Variants in NTRK2 observed in about 807,000 individuals in gnomAD.
The protein encoded by NTRK2 is neurotrophic receptor tyrosine kinase 2.
In NTRK2, 13 loss-of-function variants were observed where a neutral mutation model predicts 94.5. The ratio of observed to expected loss-of-function variants is 0.14; its 90% CI spans 0.09 to 0.22. The LOEUF (loss-of-function observed/expected upper bound fraction) is 0.22. Ranked by LOEUF, NTRK2 falls within the 10% of genes least tolerant of loss-of-function variation. The pLI, the probability that NTRK2 is intolerant of heterozygous loss-of-function variation, is 1.00. For missense variants in NTRK2, 639 were observed against 1,071.2 expected, an observed-to-expected ratio of 0.60 and a Z score of 5.63; for synonymous variants, 372 against 407.4, an observed-to-expected ratio of 0.91 and a Z score of 1.05.
At chr9:84,712,478 T>C (rs1042985584) in intron 6 of NTRK2, among the ~76,000 whole-genome samples, 5 of 152,218 alleles carry the variant, frequency 3.3e-5, no homozygotes, top group South Asian at 2.1e-4. Flanking sequence ...ATGGGCTCAA[T>C]TGATCGATTA....
At chr9:84,788,169 C>T (rs1173982504) in intron 12 of NTRK2, among the ~76,000 whole-genome samples, 2 of 151,950 alleles carry the variant, frequency 1.3e-5, no homozygotes, top group South Asian at 2.1e-4. Context: ...TATGTTATTA[C>T]GTTGTAATTA....
intron 15 of NTRK2, among the ~76,000 whole-genome samples, chr9:84,939,264 T>C (rs750359558): frequency 9.2e-5 from 14 of 152,142 alleles, no homozygotes; most frequent in Admixed American, 3.9e-4. Context: ...AGAGCTAATA[T>C]TGATATTCTT....
intron 14 of NTRK2, among the ~76,000 whole-genome samples, chr9:84,871,399 G>A (rs1213926182): frequency 2.0e-5 from 3 of 152,212 alleles, no homozygotes; most frequent in East Asian, 3.8e-4. Flanking sequence ...ATATCAGTGT[G>A]AGTCAGGTTT....
At chr9:84,851,025 C>T (rs1359517310) in intron 12 of NTRK2, among the ~76,000 whole-genome samples, 2 of 152,170 alleles carry the variant, frequency 1.3e-5, no homozygotes, top group African/African-American at 4.8e-5. Context: ...TTCGCAATCT[C>T]AGTACTGTTG....
intron 17 of NTRK2, among the ~76,000 whole-genome samples, chr9:84,973,277 C>A (rs1346923607): frequency 6.6e-6 from 1 of 152,160 alleles, no homozygotes; most frequent in African/African-American, 2.4e-5. Flanking sequence ...TTTGATTCAA[C>A]TTTTTACCAG....
intron 12 of NTRK2, among the ~76,000 whole-genome samples, chr9:84,822,396 T>C (rs1324962109): frequency 6.6e-6 from 1 of 152,214 alleles, no homozygotes; most frequent in African/African-American, 2.4e-5. Flanking sequence ...TTAGGAGCCT[T>C]CATTTATTGG....
intron 12 of NTRK2, among the ~76,000 whole-genome samples, chr9:84,771,335 C>G (rs1002240696): frequency 3.3e-5 from 5 of 152,114 alleles, no homozygotes; most frequent in Non-Finnish European, 7.4e-5. Flanking sequence ...CTTCCTCGGC[C>G]CTGAAATGGA....
At chr9:84,697,557 A>G (rs925349663) in intron 2 of NTRK2, among the ~76,000 whole-genome samples, 2 of 152,218 alleles carry the variant, frequency 1.3e-5, no homozygotes, top group East Asian at 3.9e-4. Context: ...TTTCTGGGAA[A>G]GAGCCTGCTG....
chr9:84,751,155 C>T (rs2064564489), intron 11 of NTRK2, among the ~76,000 whole-genome samples: 1 of 152,172 alleles, frequency 6.6e-6, no homozygotes, highest in African/African-American at 2.4e-5. Flanking sequence ...CTCACTGTTC[C>T]CAGGGTACCC....
At chr9:84,766,295 G>A (rs2132729057) in intron 12 of NTRK2, among the ~76,000 whole-genome samples, 1 of 152,262 alleles carries the variant, frequency 6.6e-6, no homozygotes, top group East Asian at 1.9e-4. Context: ...GGTGGCCAGA[G>A]CAGAGTGGGG....
chr9:84,956,141 T>A (rs1824095512), intron 17 of NTRK2, among the ~76,000 whole-genome samples: 1 of 152,220 alleles, frequency 6.6e-6, no homozygotes, highest in Non-Finnish European at 1.5e-5. Flanking sequence ...GTTTGAGATT[T>A]GAACAAAAGT....
intron 14 of NTRK2, among the ~76,000 whole-genome samples, chr9:84,926,200 TTCTTTC>T (rs1286097517): frequency 7.1e-6 from 1 of 141,584 alleles, no homozygotes; most frequent in African/African-American, 2.7e-5. Flanking sequence ...CTTTCTTTCT[TTCTTTC>T]TTTCTTTCTT....
intron 14 of NTRK2, among the ~76,000 whole-genome samples, chr9:84,922,463 A>T (rs2132591098): frequency 6.6e-6 from 1 of 152,292 alleles, no homozygotes; most frequent in South Asian, 2.1e-4. Flanking sequence ...TTGTATACTT[A>T]TCTCATCTCT....
At chr9:84,695,073 A>AACAC (rs1554694510) in intron 2 of NTRK2, among the ~76,000 whole-genome samples, 21 of 133,906 alleles carry the variant, frequency 1.6e-4, no homozygotes, top group African/African-American at 3.4e-4. Flanking sequence ...AAAAAAAAAA[A>AACAC]ACACACAACA....
At chr9:84,831,872 C>T (rs2073569423) in intron 12 of NTRK2, among the ~76,000 whole-genome samples, 1 of 152,182 alleles carries the variant, frequency 6.6e-6, no homozygotes, top group South Asian at 2.1e-4. Context: ...AGAGTAGGTT[C>T]TGATTCAAAG....
chr9:84,830,871 A>G (rs932165742), intron 12 of NTRK2, among the ~76,000 whole-genome samples: 4 of 152,150 alleles, frequency 2.6e-5, no homozygotes, highest in Non-Finnish European at 5.9e-5. Flanking sequence ...TAATCCTGCC[A>G]CCCAGAAATA....
At chr9:84,797,868 T>C (rs9410599) in intron 12 of NTRK2, among the ~76,000 whole-genome samples, 67,719 of 97,302 alleles carry the variant, frequency 0.7, 25,125 homozygotes, top group Non-Finnish European at 0.77. Context: ...ACTATAATAA[T>C]ATATATAATA....
intron 12 of NTRK2, among the ~76,000 whole-genome samples, chr9:84,789,012 C>G (rs2068439847): frequency 6.6e-6 from 1 of 152,132 alleles, no homozygotes; most frequent in South Asian, 2.1e-4. Flanking sequence ...GAGAAAAAGC[C>G]ATTGAGAAAT....
chr9:84,894,262 TG>T (rs1416490465), intron 14 of NTRK2, among the ~76,000 whole-genome samples: 1 of 151,890 alleles, frequency 6.6e-6, no homozygotes, highest in East Asian at 1.9e-4. Flanking sequence ...AGCTGTGAGC[TG>T]GTTCTCTTTT....
Sources: gnomAD v4.1 joint callset for allele counts (sites outside exome capture counted in the v4.1 genomes callset) on GRCh38, gnomAD v4.1.1 for gene constraint, MANE v1.5 for transcripts, NCBI Gene and HGNC (gene_info 2026-07-23, HGNC 2026-07-21) for gene names.